Variants in SGCZ observed in about 807,000 individuals in gnomAD.
SGCZ encodes the protein sarcoglycan zeta.
SGCZ carries 40 observed loss-of-function variants against 41.3 expected under a neutral mutation model. The ratio of observed to expected loss-of-function variants is 0.97; its 90% CI spans 0.75 to 1.26. SGCZ has a LOEUF of 1.26. Ranked by LOEUF, SGCZ falls within the 50% of genes most tolerant of loss-of-function variation. The probability of loss-of-function intolerance (pLI) is 0.00; values close to 1 mark genes in which losing one functional copy is unlikely to be tolerated. For synonymous variants in SGCZ, 206 were observed against 137.5 expected (o/e 1.50, Z -3.49); for missense variants, 552 against 369.8 (o/e 1.49, Z -4.04).
intron 4 of SGCZ, among the ~76,000 whole-genome samples, chr8:14,191,381 T>C (rs772345962): frequency 1.3e-5 from 2 of 152,196 alleles, no homozygotes; most frequent in Non-Finnish European, 2.9e-5. Context: ...CTGCGCCATA[T>C]GACACTATCC....
intron 6 of SGCZ, among the ~76,000 whole-genome samples, chr8:14,107,622 T>C (rs1372635141): frequency 6.6e-6 from 1 of 152,062 alleles, no homozygotes; most frequent in African/African-American, 2.4e-5. Flanking sequence ...AGCATTCCTT[T>C]TTTTGTTTTT....
intron 3 of SGCZ, among the ~76,000 whole-genome samples, chr8:14,288,951 T>G (rs1229583267): frequency 1.3e-5 from 2 of 152,180 alleles, no homozygotes; most frequent in Admixed American, 6.5e-5. Flanking sequence ...TTATTTTATG[T>G]CTTTTGTGTT....
intron 5 of SGCZ, among the ~76,000 whole-genome samples, chr8:14,146,647 C>A (rs535233267): frequency 6.6e-6 from 1 of 151,950 alleles, no homozygotes; most frequent in African/African-American, 2.4e-5. Context: ...CCGAGGCGGG[C>A]GGATCACGAG....
chr8:14,353,577 C>A (rs763000987), intron 2 of SGCZ, among the ~76,000 whole-genome samples: 10 of 152,010 alleles, frequency 6.6e-5, no homozygotes, highest in Non-Finnish European at 1.3e-4. Flanking sequence ...CAATTCACAA[C>A]GGTGAGACTT....
chr8:14,983,756 G>A (rs1019133611), intron 1 of SGCZ, among the ~76,000 whole-genome samples: 1 of 152,124 alleles, frequency 6.6e-6, no homozygotes, highest in African/African-American at 2.4e-5. Flanking sequence ...CCTAAAACTA[G>A]ACAAGTAGCA....
At chr8:14,100,064 T>A (rs1201243826) in intron 7 of SGCZ, among the ~76,000 whole-genome samples, 2 of 151,728 alleles carry the variant, frequency 1.3e-5, no homozygotes, top group East Asian at 1.9e-4. Context: ...AAATGATAAA[T>A]CTGTGGTACA....
chr8:14,130,578 C>T (rs1803009924), intron 5 of SGCZ, among the ~76,000 whole-genome samples: 1 of 152,110 alleles, frequency 6.6e-6, no homozygotes, highest in African/African-American at 2.4e-5. Flanking sequence ...GTGGAGGTAA[C>T]ACAGGGGCTA....
chr8:14,578,426 G>A (rs911063094), intron 1 of SGCZ, among the ~76,000 whole-genome samples: 2 of 152,054 alleles, frequency 1.3e-5, no homozygotes, highest in African/African-American at 2.4e-5. Context: ...ATGCTCCCTG[G>A]GTTTGGTTCA....
chr8:14,648,877 G>C (rs573984974), intron 1 of SGCZ, among the ~76,000 whole-genome samples: 1 of 152,130 alleles, frequency 6.6e-6, no homozygotes, highest in East Asian at 1.9e-4. Context: ...TTTTACTGCT[G>C]GCATATATTC....
intron 2 of SGCZ, among the ~76,000 whole-genome samples, chr8:14,401,468 T>G (rs1030321026): frequency 8.2e-6 from 1 of 122,588 alleles, no homozygotes; most frequent in African/African-American, 3.2e-5. Context: ...CCTCAGAGTG[T>G]GATGTTCCCC....
At chr8:15,160,323 TC>T (rs1799473028) in intron 1 of SGCZ, among the ~76,000 whole-genome samples, 1 of 152,194 alleles carries the variant, frequency 6.6e-6, no homozygotes, top group Non-Finnish European at 1.5e-5. Flanking sequence ...AGAATCACCA[TC>T]CTTTGTAAAT....
chr8:14,261,577 C>A (rs1313749720), intron 3 of SGCZ, among the ~76,000 whole-genome samples: 4 of 152,176 alleles, frequency 2.6e-5, no homozygotes, highest in South Asian at 2.1e-4. Context: ...TTCATCTGGA[C>A]CAATGCCAAG....
chr8:15,122,961 A>G (rs562207503), intron 1 of SGCZ, among the ~76,000 whole-genome samples: 2 of 152,196 alleles, frequency 1.3e-5, no homozygotes, highest in Non-Finnish European at 2.9e-5. Flanking sequence ...TGTGAGTCAT[A>G]TTAAGTCAAG....
chr8:14,658,408 T>G (rs754884840), intron 1 of SGCZ, among the ~76,000 whole-genome samples: 12 of 152,284 alleles, frequency 7.9e-5, no homozygotes, highest in Non-Finnish European at 1.3e-4. Flanking sequence ...AATTCAGATC[T>G]GATCACTTTG....
Position 14,650,504 on chromosome 8 carries a change from C to T in SGCZ, c.40-95578G>A, listed in dbSNP as rs185478306. On this transcript the variant is annotated intron_variant, in intron 1 of 7. Coordinates refer to ENST00000382080, the MANE Select transcript of SGCZ (RefSeq NM_139167.4). ...TTTTTTTTCTGATCTTCTCCCTCCTCCCACCCCTGACCCTAAGGTAGGCCC... is the reference window on the plus strand; with the variant it reads ...TTTTTTTTCTGATCTTCTCCCTCCTTCCACCCCTGACCCTAAGGTAGGCCC... Among the ~76,000 whole-genome samples the T allele has an allele frequency of 9.2e-5, 14 of 152,028 alleles. No individual in the cohort carries two copies. The East Asian group carries it at 2.7e-3, about 29-fold the overall frequency.
chr8:14,687,767 C>T lies in SGCZ; in HGVS notation c.40-132841G>A, dbSNP rs201913933. ...TAGTTCTAGATCCCTGAGGAATCGC[C>T]ACACTGACTTCCACAATGGATGAAC... On this transcript the variant is annotated intron_variant, in intron 1 of 7. Transcript: ENST00000382080. Among the ~76,000 whole-genome samples, 34 of 151,978 alleles carry T rather than the reference C, an allele frequency of 2.2e-4. No homozygotes were observed. In the East Asian group the frequency reaches 5.2e-3, roughly 23 times the overall value.
chr8:14,512,346 A>T (rs1802489997), intron 2 of SGCZ, among the ~76,000 whole-genome samples: 1 of 152,194 alleles, frequency 6.6e-6, no homozygotes, highest in African/African-American at 2.4e-5. Flanking sequence ...CCAGCTTATC[A>T]TAAATTCTTC....
chr8:14,772,044 T>G (rs1212360573), intron 1 of SGCZ, among the ~76,000 whole-genome samples: 1 of 152,172 alleles, frequency 6.6e-6, no homozygotes, highest in Non-Finnish European at 1.5e-5. Flanking sequence ...CAGTAGAAAC[T>G]GTACTTTGAG....
chr8:14,417,894 A>G (rs1365500857), intron 2 of SGCZ, among the ~76,000 whole-genome samples: 1 of 151,930 alleles, frequency 6.6e-6, no homozygotes, highest in Non-Finnish European at 1.5e-5. Context: ...AAAAAGAACC[A>G]GATTTTATTT....
Sources: gnomAD v4.1 joint callset for allele counts (sites outside exome capture counted in the v4.1 genomes callset) on GRCh38, gnomAD v4.1.1 for gene constraint, MANE v1.5 for transcripts, NCBI Gene and HGNC (gene_info 2026-07-23, HGNC 2026-07-21) for gene names.